The following ZC3H14 variants were observed in gnomAD, a reference collection of about 807,000 sequenced individuals.
The protein encoded by ZC3H14 is zinc finger CCCH-type containing 14, also known as zinc finger CCCH domain-containing protein 14.
ZC3H14 carries 31 observed loss-of-function variants against 92.4 expected under a neutral mutation model. The ratio of observed to expected loss-of-function variants is 0.34; its 90% CI spans 0.25 to 0.45. The LOEUF (loss-of-function observed/expected upper bound fraction) is 0.45. Among genes scored for constraint, ZC3H14 ranks in the 20% least tolerant of loss-of-function variants. ZC3H14 has a pLI of 1.00. For synonymous variants in ZC3H14, 321 were observed against 300.9 expected (o/e 1.07, Z -0.69); for missense variants, 781 against 897.3 (o/e 0.87, Z 1.66).
chr14:88,576,471 A>G (rs1339934701), intron 8 of ZC3H14, among the ~76,000 whole-genome samples: 3 of 152,264 alleles, frequency 2.0e-5, no homozygotes, highest in African/African-American at 7.2e-5. Context: ...TAATTTTATG[A>G]GAGAATATAA....
intron 8 of ZC3H14, among the ~76,000 whole-genome samples, chr14:88,576,662 C>G (rs2081196409): frequency 6.6e-6 from 1 of 152,180 alleles, no homozygotes; most frequent in Admixed American, 6.5e-5. Context: ...ATGAGCTACT[C>G]TAAAAAGATT....
rs748287940 is a variant in ZC3H14 at position 88,609,306 on chromosome 14, T to C, written c.1908T>C (p.Phe636=). 9.9e-6 allele frequency: 16 copies of C among 1,614,086 alleles called. No homozygotes were observed. The highest frequency in any genetic ancestry group is 1.4e-5 in the Non-Finnish European group (16 of 1,179,976). The part of the protein sequence containing the change: ...PNCKFAEKCL[F]VHPNCKYDAK... ...GTAAATTTGCTGAAAAATGTTTGTT[T>C]GTTCACCCAAATTGTAAATATGATG... The change falls in exon 14 of 17, where the codon TTT becomes TTC. Residue 636 remains phenylalanine (F), a synonymous_variant. Coordinates refer to ENST00000251038, the MANE Select transcript of ZC3H14 (RefSeq NM_024824.5).
At chr14:88,595,154 G>GATCTGT in intron 9 of ZC3H14, 1 of 1,598,610 alleles carries the variant, frequency 6.3e-7, no homozygotes, top group South Asian at 1.1e-5. Flanking sequence ...CCCATCCTTT[G>GATCTGT]ATCTGTATCT....
At chr14:88,606,586 G>T (rs543590548) in intron 12 of ZC3H14, among the ~76,000 whole-genome samples, 1 of 151,848 alleles carries the variant, frequency 6.6e-6, no homozygotes, top group African/African-American at 2.4e-5. Flanking sequence ...CCTGGGCAAC[G>T]TGGGGAAACC....
At chr14:88,594,750 A>T (rs1397885940) in intron 9 of ZC3H14, 1 of 1,613,964 alleles carries the variant, frequency 6.2e-7, no homozygotes, top group Admixed American at 1.7e-5. Flanking sequence ...CAAAGTTTCC[A>T]TCACCACCTC....
At chr14:88,607,652 T>TTCACCCTGCAAGTACCATCTCATC (rs2085697339) in intron 13 of ZC3H14, among the ~76,000 whole-genome samples, 1 of 121,504 alleles carries the variant, frequency 8.2e-6, no homozygotes, top group Non-Finnish European at 1.7e-5. Context: ...ATCCCTGCAT[T>TTCACCCTGCAAGTACCATCTCATC]TCACCCTGCA....
chr14:88,577,227 A>T (rs1190129038), intron 8 of ZC3H14, among the ~76,000 whole-genome samples: 1 of 152,218 alleles, frequency 6.6e-6, no homozygotes, highest in Non-Finnish European at 1.5e-5. Context: ...CTCTTGACCT[A>T]ATGATATATC....
chr14:88,575,497 A>G (rs2081043974), intron 7 of ZC3H14, among the ~76,000 whole-genome samples: 1 of 152,052 alleles, frequency 6.6e-6, no homozygotes, highest in African/African-American at 2.4e-5. Context: ...GTTCGAGACC[A>G]GCCTGGGCGA....
In ZC3H14 at chr14:88,615,238, A is replaced by G. The variant is rs2087410564; in HGVS notation, c.*3487A>G. 6.6e-6 allele frequency: 1 copy of G among 152,206 alleles called. No homozygotes were observed. Among genetic ancestry groups the G allele is most frequent in the Admixed American group, 6.5e-5 (1 of 15,284 alleles). 9.4% of individuals were successfully genotyped at this position (152,206 alleles called of 1,614,324 possible). ...AACTACTAGGAGAAAAGTGTCCTTT[A>G]TAAAAAAGGACCTTATTAATGCCTA... On this transcript the variant is annotated 3_prime_UTR_variant, in exon 17 of 17. Coordinates refer to ENST00000251038, the MANE Select transcript of ZC3H14 (RefSeq NM_024824.5).
At position 88,624,900 on chromosome 14, in the gene ZC3H14, GAAT is replaced by G; in HGVS notation, c.*13153_*13155del. ...ACTCTGTGTAGCCTAGAAACAACTAGAATAATTAACTGCAAACCTCAGGTAGGT... is the reference window on the plus strand; with the variant it reads ...ACTCTGTGTAGCCTAGAAACAACTAGAATTAACTGCAAACCTCAGGTAGGT... On this transcript the variant is annotated 3_prime_UTR_variant, in exon 17 of 17. Coordinates refer to ENST00000251038, the MANE Select transcript of ZC3H14 (RefSeq NM_024824.5). 6.4e-7 allele frequency: 1 copy of G among 1,556,080 alleles called. No individual in the cohort carries two copies. Among genetic ancestry groups the G allele is most frequent in the Non-Finnish European group, 8.7e-7 (1 of 1,147,362 alleles).
chr14:88,567,579 C>G (rs2079868644), intron 2 of ZC3H14, among the ~76,000 whole-genome samples: 1 of 151,992 alleles, frequency 6.6e-6, no homozygotes, highest in Admixed American at 6.6e-5. Context: ...TTCGATGTTG[C>G]TACAAGTTTG....
At chr14:88,589,445 A>G (rs2082841141) in intron 9 of ZC3H14, 1 of 152,158 alleles carries the variant, frequency 6.6e-6, no homozygotes, top group Non-Finnish European at 1.5e-5. Context: ...ATCCAAATTC[A>G]AGGCTTGATA....
At position 88,616,114 on chromosome 14, in the gene ZC3H14, C is replaced by A. The variant is rs767577367; in HGVS notation, c.*4363C>A. 1.3e-5 allele frequency: 21 copies of A among 1,607,168 alleles called. No homozygotes were observed. Among genetic ancestry groups the A allele is most frequent in the Admixed American group, 5.0e-5 (3 of 59,976 alleles). Reference sequence around the variant, plus strand: ...GTCTCTTAACTAGTAACATAGTCTGCTCTTCATGGGCTGAGAAAGTTACTA... The same window carrying A: ...GTCTCTTAACTAGTAACATAGTCTGATCTTCATGGGCTGAGAAAGTTACTA... On this transcript the variant is annotated 3_prime_UTR_variant, in exon 17 of 17. Coordinates refer to ENST00000251038, the MANE Select transcript of ZC3H14 (RefSeq NM_024824.5).
intron 2 of ZC3H14, among the ~76,000 whole-genome samples, chr14:88,564,125 C>T (rs183233841): frequency 1.3e-5 from 2 of 152,194 alleles, no homozygotes; most frequent in Non-Finnish European, 2.9e-5. Context: ...GTTTCCTATT[C>T]TTGTTACTTT....
chr14:88,603,897 A>G (rs2084967146), intron 12 of ZC3H14, among the ~76,000 whole-genome samples: 1 of 152,206 alleles, frequency 6.6e-6, no homozygotes, highest in African/African-American at 2.4e-5. Flanking sequence ...GAGGGAAATC[A>G]TATGTTAGTG....
rs1434960474 is a variant in ZC3H14 at position 88,621,823 on chromosome 14, T to C, written c.*10072T>C. 1.8e-5 allele frequency: 8 copies of C among 453,688 alleles called. No homozygotes were observed. Among genetic ancestry groups the C allele is most frequent in the Non-Finnish European group, 3.1e-5 (7 of 225,830 alleles). 28.1% of individuals were successfully genotyped at this position (453,688 alleles called of 1,614,324 possible). A position where few individuals can be genotyped will look rare whatever the true frequency, so the allele number is the denominator to read the frequency against. ...CATAATTATACATATCTATAGGGCA[T>C]AGGGTAATACGCATAACCATCACCT... On this transcript the variant is annotated 3_prime_UTR_variant, in exon 17 of 17. Coordinates refer to ENST00000251038, the MANE Select transcript of ZC3H14 (RefSeq NM_024824.5).
At chr14:88,596,134 G>C (rs2083790486) in intron 9 of ZC3H14, among the ~76,000 whole-genome samples, 1 of 152,150 alleles carries the variant, frequency 6.6e-6, no homozygotes, top group African/African-American at 2.4e-5. Context: ...ATAAGTAGTT[G>C]AACATCTTTT....
intron 4 of ZC3H14, 86 bp downstream of exon 4, chr14:88,571,210 A>G: frequency 8.1e-7 from 1 of 1,236,870 alleles, no homozygotes; most frequent in Non-Finnish European, 1.1e-6. Flanking sequence ...TTTGGGAAAA[A>G]CCCATCAATT....
At chr14:88,581,820 C>G (rs1595611156) in intron 9 of ZC3H14, among the ~76,000 whole-genome samples, 2 of 152,160 alleles carry the variant, frequency 1.3e-5, no homozygotes, top group East Asian at 3.8e-4. Flanking sequence ...TCCACAATTT[C>G]ATAATGACAT....
Sources: gnomAD v4.1 joint callset for allele counts (sites outside exome capture counted in the v4.1 genomes callset) on GRCh38, gnomAD v4.1.1 for gene constraint, MANE v1.5 for transcripts, NCBI Gene and HGNC (gene_info 2026-07-23, HGNC 2026-07-21) for gene names.